TENM2: variants seen among roughly 807,000 people sequenced by gnomAD.
The protein encoded by TENM2 is teneurin transmembrane protein 2, also known as teneurin-2.
Under a neutral mutation model 245.2 loss-of-function variants are expected in TENM2, and 52 were observed. That is an observed-to-expected ratio of 0.21 (90% CI 0.17 to 0.27). The LOEUF is 0.27. Among genes scored for constraint, TENM2 ranks in the 10% least tolerant of loss-of-function variants. The probability of loss-of-function intolerance (pLI) is 1.00; values close to 1 mark genes in which losing one functional copy is unlikely to be tolerated. For synonymous variants in TENM2, 1,363 were observed against 1,438.9 expected, an observed-to-expected ratio of 0.95 and a Z score of 1.19; for missense variants, 3,046 against 3,666.8, an observed-to-expected ratio of 0.83 and a Z score of 4.37.
chr5:167,725,336 T>C (rs1759920540), intron 2 of TENM2, among the ~76,000 whole-genome samples: 1 of 152,220 alleles, frequency 6.6e-6, no homozygotes, highest in South Asian at 2.1e-4. Context: ...TATGTATGTA[T>C]AGATGCATAT....
At chr5:168,207,816 T>C (rs1762484260) in intron 19 of TENM2, among the ~76,000 whole-genome samples, 1 of 152,156 alleles carries the variant, frequency 6.6e-6, no homozygotes, top group African/African-American at 2.4e-5. Flanking sequence ...CTCACTATCC[T>C]TCCCCCTTCC....
chr5:168,061,718 T>TC (rs1400895566), intron 6 of TENM2, among the ~76,000 whole-genome samples: 1 of 152,116 alleles, frequency 6.6e-6, no homozygotes, highest in Non-Finnish European at 1.5e-5. Context: ...CACCCTCCCC[T>TC]CCCCTGCTGA....
intron 2 of TENM2, among the ~76,000 whole-genome samples, chr5:167,502,643 C>T (rs1416910111): frequency 2.0e-5 from 3 of 152,168 alleles, no homozygotes. Context: ...AGTTATTTCT[C>T]TTCTTTCTAA....
At chr5:167,390,964 T>G (rs912275275) in intron 2 of TENM2, among the ~76,000 whole-genome samples, 1 of 152,164 alleles carries the variant, frequency 6.6e-6, no homozygotes, top group African/African-American at 2.4e-5. Flanking sequence ...TATTTTCAGC[T>G]CCAGCTCAAC....
At chr5:167,402,739 T>G (rs988925592) in intron 2 of TENM2, among the ~76,000 whole-genome samples, 13 of 152,104 alleles carry the variant, frequency 8.5e-5, no homozygotes, top group African/African-American at 2.9e-4. Flanking sequence ...ATTTTTAATG[T>G]CTTTTATTCT....
chr5:167,981,896 C>T (rs935807035), intron 4 of TENM2, among the ~76,000 whole-genome samples: 1 of 151,570 alleles, frequency 6.6e-6, no homozygotes, highest in Non-Finnish European at 1.5e-5. Flanking sequence ...ATTGCTTGAA[C>T]CTGGGAGGCG....
chr5:167,008,540 T>C, the TENM2 span, among the ~76,000 whole-genome samples: 19 of 152,350 alleles, frequency 1.2e-4, no homozygotes, highest in Non-Finnish European at 4.4e-5. Flanking sequence ...CTCCTTACAT[T>C]TGATCAGTTT....
At chr5:167,357,273 T>C (rs1401320198) in intron 1 of TENM2, among the ~76,000 whole-genome samples, 1 of 151,230 alleles carries the variant, frequency 6.6e-6, no homozygotes, top group Non-Finnish European at 1.5e-5. Context: ...CTTTGACTTT[T>C]TCCCCCTTAT....
the TENM2 span, among the ~76,000 whole-genome samples, chr5:167,248,432 G>T: frequency 6.6e-6 from 1 of 151,934 alleles, no homozygotes; most frequent in Non-Finnish European, 1.5e-5. Flanking sequence ...TGCAGGCCCC[G>T]CCCCCAGATT....
chr5:167,814,411 T>C (rs1239605527), intron 2 of TENM2, among the ~76,000 whole-genome samples: 2 of 140,342 alleles, frequency 1.4e-5, no homozygotes, highest in East Asian at 4.2e-4. Context: ...TCAGAGGCAC[T>C]GCATTCTGAA....
Position 167,656,986 on chromosome 5 carries a change from T to G in TENM2, c.503-219000T>G, listed in dbSNP as rs184039366. Among the ~76,000 whole-genome samples the G allele has an allele frequency of 3.6e-4, 54 of 151,872 alleles. 1 individual carries two copies. Among genetic ancestry groups the G allele is most frequent in the Middle Eastern group, 3.4e-3 (1 of 292 alleles). On this transcript the variant is annotated intron_variant, in intron 2 of 28. Transcript: ENST00000518659. ...TTGGAAACATTCAAAATCTTCCTTC[T>G]AGCTATTTGAAGCTATATACTATAT...
intron 2 of TENM2, among the ~76,000 whole-genome samples, chr5:167,554,609 CA>C (rs1348391892): frequency 6.6e-6 from 1 of 152,170 alleles, no homozygotes; most frequent in African/African-American, 2.4e-5. Flanking sequence ...ATAACAACCT[CA>C]GGGCATGTGT....
the TENM2 span, among the ~76,000 whole-genome samples, chr5:167,141,711 A>G: frequency 6.6e-6 from 1 of 152,124 alleles, no homozygotes; most frequent in Non-Finnish European, 1.5e-5. Flanking sequence ...CCCCTTTATG[A>G]ATGCTAATAA....
At chr5:167,733,702 G>A (rs1361713924) in intron 2 of TENM2, among the ~76,000 whole-genome samples, 1 of 152,154 alleles carries the variant, frequency 6.6e-6, no homozygotes, top group African/African-American at 2.4e-5. Flanking sequence ...TCTTTTAAAC[G>A]GAAGGGCCCC....
chr5:167,006,181 G>A, the TENM2 span, among the ~76,000 whole-genome samples: 1 of 151,990 alleles, frequency 6.6e-6, no homozygotes, highest in South Asian at 2.1e-4. Flanking sequence ...TCTATGGCCA[G>A]GCTGACCAGA....
chr5:167,345,065 G>A (rs924993540), intron 1 of TENM2, among the ~76,000 whole-genome samples: 2 of 152,158 alleles, frequency 1.3e-5, no homozygotes, highest in African/African-American at 4.8e-5. Flanking sequence ...GAATTTTATA[G>A]GGAACATAAA....
Position 167,851,404 on chromosome 5 carries a change from C to T in TENM2, c.503-24582C>T, listed in dbSNP as rs112837292. On this transcript the variant is annotated intron_variant, in intron 2 of 28. Coordinates refer to ENST00000518659, the Ensembl canonical transcript of TENM2. ...TATATATCCAAATTTATCATAATCA[C>T]CAAGGATTTTAAGCAAGATTTTTCA... Among the ~76,000 whole-genome samples the T allele has an allele frequency of 4.3e-3, 647 of 152,132 alleles. 5 individuals are homozygous for T. The highest frequency in any genetic ancestry group is 0.015 in the African/African-American group (614 of 41,476).
chr5:167,138,345 G>A, the TENM2 span, among the ~76,000 whole-genome samples: 2 of 152,170 alleles, frequency 1.3e-5, no homozygotes, highest in African/African-American at 4.8e-5. Flanking sequence ...ACTTCTTAAT[G>A]AAGCTTAGGA....
upstream of TENM2, among the ~76,000 whole-genome samples, chr5:167,283,438 T>G (rs2127706686): frequency 6.6e-6 from 1 of 151,816 alleles, no homozygotes; most frequent in Non-Finnish European, 1.5e-5. Flanking sequence ...GGGGAGGGGG[T>G]CCCTGAGATC....
Sources: gnomAD v4.1 joint callset for allele counts (sites outside exome capture counted in the v4.1 genomes callset) on GRCh38, gnomAD v4.1.1 for gene constraint, MANE v1.5 for transcripts, NCBI Gene and HGNC (gene_info 2026-07-23, HGNC 2026-07-21) for gene names.